The following MYO5C variants were observed in gnomAD, a reference collection of about 807,000 sequenced individuals.
The protein encoded by MYO5C is unconventional myosin-Vc.
Under a neutral mutation model 235.7 loss-of-function variants are expected in MYO5C, and 194 were observed. The observed-to-expected ratio is 0.82, with a 90% CI of 0.73 to 0.93. MYO5C has a LOEUF of 0.93. Ranked by LOEUF, MYO5C falls within the 40% of genes least tolerant of loss-of-function variation. MYO5C has a pLI of 0.00. For synonymous variants in MYO5C, 707 were observed against 754.8 expected (o/e 0.94, Z 1.04); for missense variants, 2,038 against 2,127.2 (o/e 0.96, Z 0.82).
Position 52,290,312 on chromosome 15 carries a change from T to C in MYO5C, c.27+5298A>G, listed in dbSNP as rs528871819. Among the ~76,000 whole-genome samples the C allele has an allele frequency of 9.2e-5, 14 of 152,250 alleles. No individual in the cohort carries two copies. The East Asian group carries it at 2.7e-3, about 29-fold the overall frequency. On this transcript the variant is annotated intron_variant, in intron 1 of 40. Coordinates refer to ENST00000261839, the MANE Select transcript of MYO5C (RefSeq NM_018728.4). ...CCTTTTTTTCTCTTTGAACTACCCA[T>C]ACATAATACAATGGATACATTTAAT...
Position 52,226,253 on chromosome 15 carries a change from C to A in MYO5C, c.3208-721G>T, listed in dbSNP as rs1854476831. Among the ~76,000 whole-genome samples, 5 of 152,248 alleles carry A rather than the reference C, an allele frequency of 3.3e-5. No homozygotes were observed. In the South Asian group the frequency reaches 1.0e-3, roughly 32 times the overall value. Reference sequence around the variant, plus strand: ...ACTGTGGGTTTTGGCTTCAGCTCAGCTTAGATGTGGAGCAGTGGCAGAGAC... The same window carrying A: ...ACTGTGGGTTTTGGCTTCAGCTCAGATTAGATGTGGAGCAGTGGCAGAGAC... On this transcript the variant is annotated intron_variant, in intron 25 of 40. Coordinates refer to ENST00000261839, the MANE Select transcript of MYO5C (RefSeq NM_018728.4).
intron 4 of MYO5C, among the ~76,000 whole-genome samples, chr15:52,278,405 A>G (rs1175513557): frequency 1.3e-5 from 2 of 152,130 alleles, no homozygotes; most frequent in Non-Finnish European, 2.9e-5. Flanking sequence ...ATACATGTGC[A>G]CTAGTGAAAC....
intron 32 of MYO5C, among the ~76,000 whole-genome samples, chr15:52,214,911 G>A (rs2035520712): frequency 6.6e-6 from 1 of 151,978 alleles, no homozygotes; most frequent in African/African-American, 2.4e-5. Context: ...CTGACCTTTA[G>A]TGTCACTCTC....
At chr15:52,271,672 A>T in intron 7 of MYO5C, 91 bp downstream of exon 7, 1 of 729,070 alleles carries the variant, frequency 1.4e-6, no homozygotes, top group Non-Finnish European at 2.1e-6. Context: ...GCAAATACTT[A>T]AAACAAATAT....
intron 11 of MYO5C, among the ~76,000 whole-genome samples, chr15:52,255,437 A>G (rs1596197747): frequency 6.6e-6 from 1 of 152,256 alleles, no homozygotes; most frequent in South Asian, 2.1e-4. Flanking sequence ...ACATGTAGCC[A>G]AAGTTTAGAA....
intron 1 of MYO5C, among the ~76,000 whole-genome samples, chr15:52,286,414 C>A (rs1183961309): frequency 6.6e-6 from 1 of 152,146 alleles, no homozygotes; most frequent in Non-Finnish European, 1.5e-5. Context: ...GCCCCTCTGC[C>A]CGGCCACCAC....
intron 23 of MYO5C, among the ~76,000 whole-genome samples, chr15:52,234,514 G>C (rs2036034449): frequency 6.6e-6 from 1 of 152,122 alleles, no homozygotes; most frequent in African/African-American, 2.4e-5. Flanking sequence ...AACCACCCAA[G>C]AGGAGTGTGC....
Position 52,195,424 on chromosome 15 carries a change from CTA to C in MYO5C, c.5027_5028del (p.Ile1676ArgfsTer2), listed in dbSNP as rs765436369. On this transcript the variant is annotated frameshift_variant, in exon 40 of 41. Transcript: ENST00000261839. LOFTEE classifies it high-confidence loss of function. ...IIKILNSYTPIDDFEKRVTPS... is the reference protein window; with the variant it reads ...IIKILNSYTPXDDFEKRVTPS... Reference sequence around the variant, plus strand: ...GGAGTCACTCTCTTCTCAAAGTCATCTATAGGTGTGTATGAATTAAGGATCTT... The same window carrying C: ...GGAGTCACTCTCTTCTCAAAGTCATCTAGGTGTGTATGAATTAAGGATCTT... The C allele has an allele frequency of 6.2e-7, 1 of 1,613,314 alleles. No individual in the cohort carries two copies. The highest frequency in any genetic ancestry group is 1.1e-5 in the South Asian group (1 of 90,926).
At chr15:52,277,651 C>A (rs184052318) in intron 4 of MYO5C, among the ~76,000 whole-genome samples, 1 of 152,122 alleles carries the variant, frequency 6.6e-6, no homozygotes, top group Non-Finnish European at 1.5e-5. Context: ...GAGGGCCATA[C>A]CCTTCCCCTC....
chr15:52,240,973 C>A (rs1008119016), intron 20 of MYO5C, among the ~76,000 whole-genome samples: 1 of 152,156 alleles, frequency 6.6e-6, no homozygotes, highest in Admixed American at 6.5e-5. Flanking sequence ...GAAGTGAACA[C>A]TTATTGCTCT....
At chr15:52,204,003 T>G (rs1242385898) in intron 38 of MYO5C, among the ~76,000 whole-genome samples, 1 of 152,206 alleles carries the variant, frequency 6.6e-6, no homozygotes, top group African/African-American at 2.4e-5. Flanking sequence ...GATACAGGTA[T>G]CAAATTTCTG....
intron 35 of MYO5C, among the ~76,000 whole-genome samples, chr15:52,210,123 C>A (rs1363408071): frequency 6.6e-6 from 1 of 152,068 alleles, no homozygotes; most frequent in Non-Finnish European, 1.5e-5. Flanking sequence ...ACCACCGCAC[C>A]TGGCCAATTT....
chr15:52,206,229 G>A (rs4776017), intron 36 of MYO5C, among the ~76,000 whole-genome samples: 80,079 of 152,028 alleles, frequency 0.53, 25,070 homozygotes, highest in Non-Finnish European at 0.71. Flanking sequence ...GGAAAAGCTC[G>A]TAGAAGGCCC....
At chr15:52,266,286 C>G (rs940740709) in intron 8 of MYO5C, among the ~76,000 whole-genome samples, 1 of 152,196 alleles carries the variant, frequency 6.6e-6, no homozygotes, top group Non-Finnish European at 1.5e-5. Context: ...TGGTCAAGTT[C>G]CTAGAGCCTG....
intron 7 of MYO5C, among the ~76,000 whole-genome samples, chr15:52,270,880 T>C (rs1027927140): frequency 6.6e-6 from 1 of 152,026 alleles, no homozygotes; most frequent in African/African-American, 2.4e-5. Context: ...AGAGTGTGAG[T>C]TCAACTCCAA....
intron 7 of MYO5C, among the ~76,000 whole-genome samples, chr15:52,270,163 T>G (rs1027133040): frequency 1.3e-5 from 2 of 152,076 alleles, no homozygotes; most frequent in South Asian, 2.1e-4. Flanking sequence ...ATGCCTATGG[T>G]CCCAGCTATT....
intron 24 of MYO5C, among the ~76,000 whole-genome samples, chr15:52,232,158 AAAGGAAGGG>A (rs762622358): frequency 1.8e-4 from 9 of 50,978 alleles, no homozygotes; most frequent in Non-Finnish European, 7.4e-4. Context: ...GAAAGGAAGG[AAAGGAAGGG>A]AAGGAAGGGA....
At chr15:52,277,724 C>T (rs1040141118) in intron 4 of MYO5C, 6 of 399,736 alleles carry the variant, frequency 1.5e-5, no homozygotes, top group Non-Finnish European at 2.5e-5. Context: ...CTGAGGATGA[C>T]GGCCCCACCC....
chr15:52,219,214 TCAA>T (rs1189201529), intron 31 of MYO5C, among the ~76,000 whole-genome samples: 2 of 152,336 alleles, frequency 1.3e-5, no homozygotes, highest in African/African-American at 4.8e-5. Flanking sequence ...AATAAGTGTC[TCAA>T]CAAGTTGGCA....
Sources: gnomAD v4.1 joint callset for allele counts (sites outside exome capture counted in the v4.1 genomes callset) on GRCh38, gnomAD v4.1.1 for gene constraint, MANE v1.5 for transcripts, NCBI Gene and HGNC (gene_info 2026-07-23, HGNC 2026-07-21) for gene names.